Variants in TSPAN13 observed in about 807,000 individuals in gnomAD.
The protein encoded by TSPAN13 is tetraspanin-13.
Under a neutral mutation model 26.9 loss-of-function variants are expected in TSPAN13, and 18 were observed. That is an observed-to-expected ratio of 0.67 (90% confidence interval 0.46 to 0.99). The LOEUF (loss-of-function observed/expected upper bound fraction) is 0.99, where lower values mean the gene tolerates loss of function less well. TSPAN13 is among the 50% of genes least tolerant of loss of function. The probability of loss-of-function intolerance (pLI) is 0.00; values close to 1 mark genes in which losing one functional copy is unlikely to be tolerated. For missense variants in TSPAN13, 201 were observed against 249.6 expected, an observed-to-expected ratio of 0.81 and a Z score of 1.31; for synonymous variants, 116 against 98.4, an observed-to-expected ratio of 1.18 and a Z score of -1.06.
At chr7:16,763,688 C>T (rs996743100) in intron 1 of TSPAN13, among the ~76,000 whole-genome samples, 3 of 152,142 alleles carry the variant, frequency 2.0e-5, no homozygotes, top group East Asian at 3.9e-4. Flanking sequence ...GCTTATGGAC[C>T]TATCCCTTGG....
chr7:16,763,041 C>G (rs989921327), intron 1 of TSPAN13, among the ~76,000 whole-genome samples: 8 of 152,112 alleles, frequency 5.3e-5, no homozygotes, highest in African/African-American at 1.4e-4. Context: ...TTAAACCCCC[C>G]ACCTAGTCTG....
At chr7:16,770,377 T>A (rs550963394) in intron 1 of TSPAN13, among the ~76,000 whole-genome samples, 9 of 152,152 alleles carry the variant, frequency 5.9e-5, no homozygotes, top group South Asian at 4.1e-4. Flanking sequence ...GGCTATTTTT[T>A]AAAAAATATT....
chr7:16,766,225 G>GA (rs1267659978), intron 1 of TSPAN13, among the ~76,000 whole-genome samples: 3 of 152,148 alleles, frequency 2.0e-5, no homozygotes, highest in Non-Finnish European at 4.4e-5. Context: ...CTTTTTAAAT[G>GA]AAAAAATCCA....
In TSPAN13 at chr7:16,777,803, G is replaced by C; in HGVS notation, c.318G>C (p.Gln106His). The C allele has an allele frequency of 6.2e-7, 1 of 1,613,308 alleles. No individual in the cohort carries two copies. Among genetic ancestry groups the C allele is most frequent in the South Asian group, 1.1e-5 (1 of 90,936 alleles). Residue 106 changes from glutamine (Q) to histidine (H), a missense_variant, in exon 4 of 6, where the codon CAG becomes CAC. Gln to His is a conservative substitution (Grantham distance 24). Coordinates refer to ENST00000262067, the MANE Select transcript of TSPAN13 (RefSeq NM_014399.4). ...ATATTAAACACATTTACTAGGGTCA[G>C]CTTCTGGAGGTTGGTTGGAACAATA... ...CLALNQEQQG[Q>H]LLEVGWNNTA...
chr7:16,762,812 C>T (rs1227502657), intron 1 of TSPAN13, among the ~76,000 whole-genome samples: 2 of 152,100 alleles, frequency 1.3e-5, no homozygotes, highest in Non-Finnish European at 2.9e-5. Flanking sequence ...TGAATTGTTC[C>T]AGGCCAGGCA....
In TSPAN13 at chr7:16,760,666, C is replaced by T. The variant is rs953319348; in HGVS notation, c.63+6636C>T. Among the ~76,000 whole-genome samples the T allele has an allele frequency of 1.7e-4, 26 of 152,112 alleles. No individual in the cohort carries two copies. The East Asian group carries it at 4.9e-3, about 28-fold the overall frequency. On this transcript the variant is annotated intron_variant, in intron 1 of 5. Transcript: ENST00000262067. ...ATGGATTGAAGTAGTGCATTTCAAA[C>T]ATTAAGAGATTCAGGAGATGAGGAA... is the stretch of plus-strand genomic sequence containing the variant.
intron 1 of TSPAN13, among the ~76,000 whole-genome samples, chr7:16,762,200 G>A (rs2115324096): frequency 6.6e-6 from 1 of 152,326 alleles, no homozygotes; most frequent in Non-Finnish European, 1.5e-5. Flanking sequence ...TCATTAGGCT[G>A]ACTTTCTTCC....
At chr7:16,780,267 T>G (rs747766646) in intron 5 of TSPAN13, among the ~76,000 whole-genome samples, 7 of 151,744 alleles carry the variant, frequency 4.6e-5, no homozygotes, top group Non-Finnish European at 8.8e-5. Context: ...ACCCAGCTAA[T>G]TTTTGTATTT....
At chr7:16,782,922 C>T (rs1416672359) in intron 5 of TSPAN13, among the ~76,000 whole-genome samples, 1 of 152,144 alleles carries the variant, frequency 6.6e-6, no homozygotes, top group Non-Finnish European at 1.5e-5. Context: ...TTCTGGAGGC[C>T]AGGCTCACCA....
Position 16,756,867 on chromosome 7 carries a change from T to C in TSPAN13, c.63+2837T>C, listed in dbSNP as rs192529517. Among the ~76,000 whole-genome samples, 308 of 152,344 alleles carry C rather than the reference T, an allele frequency of 2.0e-3. 3 individuals carry two copies. The highest frequency in any genetic ancestry group is 6.7e-3 in the African/African-American group (279 of 41,590). On this transcript the variant is annotated intron_variant, in intron 1 of 5. Transcript: ENST00000262067. ...TGAGTGCCTACTGTGTGCCAGGCTC[T>C]GTTCTCAGTTTGGAAATACAGCAGC... is the stretch of plus-strand genomic sequence containing the variant.
At position 16,777,062 on chromosome 7, in the gene TSPAN13, T is replaced by G; in HGVS notation, c.252T>G (p.Leu84=). 6.2e-7 allele frequency: 1 copy of G among 1,612,388 alleles called. No homozygotes were observed. Among genetic ancestry groups the G allele is most frequent in the Non-Finnish European group, 8.5e-7 (1 of 1,178,638 alleles). ...CTCAGTATATGATTATTCTGTTACT[T>G]GTATTTATTGTTCAGTTTTCTGTAT... is the stretch of plus-strand genomic sequence containing the variant. The part of the protein sequence containing the change: ...LLFFYMIILL[L]VFIVQFSVSC... The change falls in exon 3 of 6, where the codon CTT becomes CTG. Residue 84 remains leucine, a synonymous_variant. Transcript: ENST00000262067.
chr7:16,783,593 G>T lies in TSPAN13; in HGVS notation c.*102G>T. 9.6e-7 allele frequency: 1 copy of T among 1,036,362 alleles called. No individual in the cohort carries two copies. Among genetic ancestry groups the T allele is most frequent in the Non-Finnish European group, 1.5e-6 (1 of 669,402 alleles). 64.2% of individuals were successfully genotyped at this position (1,036,362 alleles called of 1,614,324 possible). A position where few individuals can be genotyped will look rare whatever the true frequency, so the allele number is the denominator to read the frequency against. On this transcript the variant is annotated 3_prime_UTR_variant, in exon 6 of 6. Transcript: ENST00000262067. ...CAGTTTAAGGAAGGAAACACTATCT[G>T]GAAAAGTACCTTATTGATAGTGGAA...
chr7:16,767,707 T>G (rs190350833), intron 1 of TSPAN13, among the ~76,000 whole-genome samples: 2 of 152,332 alleles, frequency 1.3e-5, no homozygotes, highest in Admixed American at 1.3e-4. Flanking sequence ...GTCATCAGGC[T>G]TAGTTTTTGC....
At chr7:16,782,192 C>T (rs1029466335) in intron 5 of TSPAN13, among the ~76,000 whole-genome samples, 2 of 152,080 alleles carry the variant, frequency 1.3e-5, no homozygotes, top group Non-Finnish European at 2.9e-5. Flanking sequence ...AGATGGATTC[C>T]AAAACAGATG....
At chr7:16,760,800 C>G (rs930150248) in intron 1 of TSPAN13, among the ~76,000 whole-genome samples, 1 of 151,900 alleles carries the variant, frequency 6.6e-6, no homozygotes, top group Non-Finnish European at 1.5e-5. Flanking sequence ...AGATGGGGAC[C>G]GAGAGTTGGT....
At chr7:16,760,801 G>A (rs1304582500) in intron 1 of TSPAN13, among the ~76,000 whole-genome samples, 1 of 152,144 alleles carries the variant, frequency 6.6e-6, no homozygotes, top group African/African-American at 2.4e-5. Context: ...GATGGGGACC[G>A]AGAGTTGGTT....
chr7:16,773,116 CAG>C (rs988490123), intron 1 of TSPAN13, among the ~76,000 whole-genome samples: 20 of 149,654 alleles, frequency 1.3e-4, no homozygotes, highest in South Asian at 2.1e-4. Flanking sequence ...TTTTGTGTGT[CAG>C]GGGGAGATTA....
chr7:16,764,120 C>A (rs1202269102), intron 1 of TSPAN13, among the ~76,000 whole-genome samples: 1 of 152,018 alleles, frequency 6.6e-6, no homozygotes, highest in African/African-American at 2.4e-5. Context: ...CGGGTTCAAG[C>A]GATTCTCCTG....
At chr7:16,782,095 G>C (rs574986045) in intron 5 of TSPAN13, among the ~76,000 whole-genome samples, 1 of 152,124 alleles carries the variant, frequency 6.6e-6, no homozygotes, top group Non-Finnish European at 1.5e-5. Context: ...CTATTGGGGG[G>C]ATTATATGAA....
Sources: allele counts gnomAD v4.1 joint callset (sites outside exome capture counted in the v4.1 genomes callset), GRCh38; gene constraint gnomAD v4.1.1; transcripts MANE v1.5; gene names NCBI Gene and HGNC (gene_info 2026-07-23, HGNC 2026-07-21).